NKAIN3: variants seen among roughly 807,000 people sequenced by gnomAD.
The protein encoded by NKAIN3 is sodium/potassium transporting ATPase interacting 3.
NKAIN3 carries 25 observed loss-of-function variants against 30.2 expected under a neutral mutation model. The ratio of observed to expected loss-of-function variants is 0.83; its 90% CI spans 0.60 to 1.16. NKAIN3 has a LOEUF of 1.16. NKAIN3 is among the 50% of genes most tolerant of loss of function. The probability of loss-of-function intolerance (pLI) is 0.00; values close to 1 mark genes in which losing one functional copy is unlikely to be tolerated. For synonymous variants in NKAIN3, 91 were observed against 89.6 expected (o/e 1.02, Z -0.09); for missense variants, 225 against 254.1 (o/e 0.89, Z 0.78).
At chr8:62,866,106 G>A (rs1181501898) in intron 4 of NKAIN3, among the ~76,000 whole-genome samples, 1 of 152,072 alleles carries the variant, frequency 6.6e-6, no homozygotes, top group Non-Finnish European at 1.5e-5. Context: ...TATTTTTAAA[G>A]AAAAAGAGGG....
chr8:62,292,795 G>A (rs1813693982), intron 1 of NKAIN3, among the ~76,000 whole-genome samples: 1 of 152,124 alleles, frequency 6.6e-6, no homozygotes, highest in East Asian at 1.9e-4. Context: ...CACTAGGTTG[G>A]GGAAGTTGTG....
chr8:62,929,458 C>A (rs1822552692), intron 5 of NKAIN3, among the ~76,000 whole-genome samples: 1 of 152,296 alleles, frequency 6.6e-6, no homozygotes, highest in South Asian at 2.1e-4. Flanking sequence ...TAAATTAAAT[C>A]TGTTTCTTTT....
rs896863999 is a variant in NKAIN3, at chr8:62,936,448, A to G, written c.533-17454A>G. 3.3e-5 allele frequency among the ~76,000 whole-genome samples: 5 copies of G among 152,108 alleles called. 1 individual carries two copies. The highest frequency in any genetic ancestry group is 1.2e-4 in the African/African-American group (5 of 41,372). On this transcript the variant is annotated intron_variant, in intron 5 of 6. Transcript: ENST00000623646. ...TCCTGAGCATCAGAACTGCTGTTTC[A>G]CTTGTCTTCCATAATCTCACAAATG...
At chr8:62,285,185 G>A (rs1197588850) in intron 1 of NKAIN3, among the ~76,000 whole-genome samples, 2 of 152,122 alleles carry the variant, frequency 1.3e-5, no homozygotes, top group African/African-American at 4.8e-5. Flanking sequence ...CACTAGAAAA[G>A]AAAACGTCAC....
At chr8:62,334,085 G>A (rs1815449171) in intron 1 of NKAIN3, among the ~76,000 whole-genome samples, 1 of 152,054 alleles carries the variant, frequency 6.6e-6, no homozygotes, top group South Asian at 2.1e-4. Context: ...TTGCTACTCA[G>A]TATTAATCAC....
chr8:62,555,232 A>C (rs1809350581), intron 1 of NKAIN3, among the ~76,000 whole-genome samples: 1 of 152,170 alleles, frequency 6.6e-6, no homozygotes, highest in South Asian at 2.1e-4. Context: ...GAATACATAA[A>C]GAACCAAGGT....
At chr8:62,675,005 T>G (rs1329352029) in intron 3 of NKAIN3, among the ~76,000 whole-genome samples, 1 of 152,206 alleles carries the variant, frequency 6.6e-6, no homozygotes, top group Non-Finnish European at 1.5e-5. Flanking sequence ...CTGCACAGGC[T>G]TCCTTCAAGT....
intron 4 of NKAIN3, among the ~76,000 whole-genome samples, chr8:62,800,544 C>T (rs1818021286): frequency 6.6e-6 from 1 of 151,836 alleles, no homozygotes; most frequent in African/African-American, 2.4e-5. Flanking sequence ...AGACATACAG[C>T]CTGCACCTTC....
rs1824087821 is a variant in NKAIN3, at chr8:62,981,824, T to G, written c.*16417T>G. On this transcript the variant is annotated 3_prime_UTR_variant, in exon 7 of 7. Transcript: ENST00000623646. ...TACTCTAAAACTCCTGAGTTTTACA[T>G]GTACCCTAAAACTTAAAGTATAGTA... 1 of 151,058 alleles carries G rather than the reference T, an allele frequency of 6.6e-6. No individual in the cohort carries two copies. The highest frequency in any genetic ancestry group is 1.5e-5 in the Non-Finnish European group (1 of 67,820). The allele number at this position is 151,058 out of a possible 1,614,324, so 9.4% of individuals were successfully genotyped here.
At chr8:62,618,914 CAAAAGAAAAG>C (rs370654678) in intron 3 of NKAIN3, among the ~76,000 whole-genome samples, 4 of 151,128 alleles carry the variant, frequency 2.6e-5, no homozygotes, top group South Asian at 4.2e-4. Flanking sequence ...TCAAAAAAAA[CAAAAGAAAAG>C]AAAAGAAAAG....
chr8:62,369,494 A>C (rs561082417), intron 1 of NKAIN3, among the ~76,000 whole-genome samples: 1 of 152,224 alleles, frequency 6.6e-6, no homozygotes, highest in African/African-American at 2.4e-5. Flanking sequence ...AAGAGCAAAA[A>C]TAAACATTCT....
intron 3 of NKAIN3, among the ~76,000 whole-genome samples, chr8:62,680,453 C>T (rs1411422730): frequency 3.3e-5 from 5 of 152,126 alleles, no homozygotes; most frequent in African/African-American, 1.2e-4. Flanking sequence ...TAGTAAAAGA[C>T]ATCTTATAAT....
chr8:62,448,562 T>C (rs1408881125), intron 1 of NKAIN3, among the ~76,000 whole-genome samples: 1 of 151,746 alleles, frequency 6.6e-6, no homozygotes, highest in Admixed American at 6.6e-5. Context: ...TTTAACATAA[T>C]TGAGATTGTA....
chr8:62,380,684 C>T (rs1334427690), intron 1 of NKAIN3, among the ~76,000 whole-genome samples: 1 of 152,142 alleles, frequency 6.6e-6, no homozygotes, highest in Non-Finnish European at 1.5e-5. Flanking sequence ...CCATGTCAAC[C>T]TTCGAGTTTG....
chr8:62,581,527 C>T (rs1254198010), intron 2 of NKAIN3, among the ~76,000 whole-genome samples: 1 of 152,128 alleles, frequency 6.6e-6, no homozygotes, highest in Admixed American at 6.5e-5. Flanking sequence ...AGGCTTATGC[C>T]TTCTCTCTTC....
chr8:62,396,075 A>T (rs900879095), intron 1 of NKAIN3, among the ~76,000 whole-genome samples: 1 of 152,254 alleles, frequency 6.6e-6, no homozygotes, highest in Non-Finnish European at 1.5e-5. Flanking sequence ...TTATTTTAAT[A>T]GCACACTATA....
chr8:62,863,321 G>C, intron 4 of NKAIN3: 1 of 1,549,598 alleles, frequency 6.5e-7, no homozygotes, highest in Non-Finnish European at 8.8e-7. Flanking sequence ...GAAGGAGGAG[G>C]AATACCTGCT....
chr8:62,551,461 T>C lies in NKAIN3; in HGVS notation c.55-28078T>C, dbSNP rs191464460. Among the ~76,000 whole-genome samples, 19 of 152,330 alleles carry C rather than the reference T, an allele frequency of 1.2e-4. 1 individual carries two copies. The highest frequency in any genetic ancestry group is 3.4e-3 in the Middle Eastern group (1 of 294). On this transcript the variant is annotated intron_variant, in intron 1 of 6. Coordinates refer to ENST00000623646, the MANE Select transcript of NKAIN3 (RefSeq NM_001304533.3). ...GGAATTATGCCTACCAGTGCCTTAG[T>C]AATTATTTTAATAGAGAAACCTAAG...
At chr8:62,263,670 A>T (rs552461075) in intron 1 of NKAIN3, among the ~76,000 whole-genome samples, 1 of 152,252 alleles carries the variant, frequency 6.6e-6, no homozygotes, top group Admixed American at 6.5e-5. Context: ...AAATCAGATG[A>T]CATTAGAAAT....
Sources: allele counts gnomAD v4.1 joint callset (sites outside exome capture counted in the v4.1 genomes callset), GRCh38; gene constraint gnomAD v4.1.1; transcripts MANE v1.5; gene names NCBI Gene and HGNC (gene_info 2026-07-23, HGNC 2026-07-21).